Variants in BTG4 observed in about 807,000 individuals in gnomAD.
The protein encoded by BTG4 is protein BTG4.
BTG4 carries 10 observed loss-of-function variants against 19.3 expected under a neutral mutation model. That is an observed-to-expected ratio of 0.52 (90% CI 0.32 to 0.88). The LOEUF (loss-of-function observed/expected upper bound fraction) is 0.88. BTG4 is among the 40% of genes least tolerant of loss of function. BTG4 has a pLI of 0.04. For synonymous variants in BTG4, 91 were observed against 95.7 expected (o/e 0.95, Z 0.29); for missense variants, 238 against 281.9 (o/e 0.84, Z 1.11).
chr11:111,384,655 T>A, the BTG4 span: 1 of 152,154 alleles, frequency 6.6e-6, no homozygotes, highest in South Asian at 2.1e-4. Flanking sequence ...AAGACTCCCA[T>A]TAAAATTGCT....
chr11:111,514,227 C>G (rs981071123), upstream of BTG4: 5 of 158,052 alleles, frequency 3.2e-5, no homozygotes. Flanking sequence ...CACTTTAAAT[C>G]CAGCTTGTTT....
intron 1 of BTG4, among the ~76,000 whole-genome samples, chr11:111,506,230 A>G (rs1351717607): frequency 1.3e-5 from 2 of 152,118 alleles, no homozygotes; most frequent in African/African-American, 4.8e-5. Flanking sequence ...ATCCACCTAC[A>G]TGTCTGCCAA....
chr11:111,393,246 C>T, the BTG4 span, among the ~76,000 whole-genome samples: 14 of 152,158 alleles, frequency 9.2e-5, no homozygotes, highest in Admixed American at 5.9e-4. Context: ...TTGTAAATTA[C>T]GATGAGTCAC....
chr11:111,428,448 T>C, the BTG4 span, among the ~76,000 whole-genome samples: 1 of 152,178 alleles, frequency 6.6e-6, no homozygotes, highest in Non-Finnish European at 1.5e-5. Flanking sequence ...TACAGAGTTG[T>C]GCAGAGCCTC....
intron 5 of BTG4, among the ~76,000 whole-genome samples, chr11:111,477,277 A>G (rs1864449555): frequency 6.6e-6 from 1 of 152,148 alleles, no homozygotes. Flanking sequence ...TTATTGCTGA[A>G]TCAAATCAAT....
chr11:111,474,165 T>C (rs1353475316), intron 5 of BTG4, among the ~76,000 whole-genome samples: 1 of 152,174 alleles, frequency 6.6e-6, no homozygotes, highest in African/African-American at 2.4e-5. Flanking sequence ...TTTAAAGTTA[T>C]TGCCAGTGTC....
chr11:111,406,308 C>G, the BTG4 span, among the ~76,000 whole-genome samples: 1 of 152,168 alleles, frequency 6.6e-6, no homozygotes, highest in Admixed American at 6.5e-5. Flanking sequence ...TGATGATGAC[C>G]TTCAGGTGAC....
At chr11:111,502,720 T>C (rs1211786066) in intron 1 of BTG4, among the ~76,000 whole-genome samples, 2 of 152,350 alleles carry the variant, frequency 1.3e-5, no homozygotes, top group East Asian at 3.9e-4. Context: ...CTTTCATTAC[T>C]TCATCTTCCT....
chr11:111,467,167 C>T (rs774221632), downstream of BTG4, among the ~76,000 whole-genome samples: 8 of 152,130 alleles, frequency 5.3e-5, no homozygotes, highest in Non-Finnish European at 8.8e-5. Context: ...CTCATGTAAT[C>T]CTCAAAAAAC....
chr11:111,443,699 C>T, the BTG4 span, among the ~76,000 whole-genome samples: 5 of 152,204 alleles, frequency 3.3e-5, no homozygotes, highest in Non-Finnish European at 7.4e-5. Context: ...AGTGACATCC[C>T]GGGGGCACTG....
the BTG4 span, among the ~76,000 whole-genome samples, chr11:111,389,800 C>G: frequency 6.6e-6 from 1 of 152,122 alleles, no homozygotes; most frequent in African/African-American, 2.4e-5. Flanking sequence ...AAAAAACTCT[C>G]TTAATTAATG....
chr11:111,513,900 T>C (rs930363853), upstream of BTG4: 1 of 163,544 alleles, frequency 6.1e-6, no homozygotes, highest in Non-Finnish European at 1.3e-5. Context: ...AAATTGTGGT[T>C]ATTGCTATGT....
the BTG4 span, among the ~76,000 whole-genome samples, chr11:111,392,169 C>CTTTTTT: frequency 7.8e-4 from 67 of 85,448 alleles, 15 homozygotes; most frequent in African/African-American, 2.6e-3. Flanking sequence ...CTGTGATTTT[C>CTTTTTT]TTTTTTTTTT....
At chr11:111,422,063 C>G in the BTG4 span, among the ~76,000 whole-genome samples, 1 of 152,248 alleles carries the variant, frequency 6.6e-6, no homozygotes, top group Non-Finnish European at 1.5e-5. Flanking sequence ...AGTCCCTTCT[C>G]TATGCACCAA....
At chr11:111,442,355 G>T in the BTG4 span, among the ~76,000 whole-genome samples, 26 of 151,728 alleles carry the variant, frequency 1.7e-4, no homozygotes, top group African/African-American at 6.1e-4. Context: ...CAAAAAATTA[G>T]CCAGGCATGG....
chr11:111,493,103 G>A (rs11213928), downstream of BTG4, among the ~76,000 whole-genome samples: 412 of 152,250 alleles, frequency 2.7e-3, 2 homozygotes, highest in African/African-American at 9.1e-3. Context: ...CCAAGATCTC[G>A]CCACTGCACT....
At chr11:111,412,025 G>A in the BTG4 span, among the ~76,000 whole-genome samples, 1 of 152,340 alleles carries the variant, frequency 6.6e-6, no homozygotes, top group African/African-American at 2.4e-5. Context: ...AGTCAGAGAA[G>A]GCAACGGTGT....
downstream of BTG4, among the ~76,000 whole-genome samples, chr11:111,492,497 A>G (rs1865481601): frequency 6.6e-6 from 1 of 152,230 alleles, no homozygotes; most frequent in Non-Finnish European, 1.5e-5. Context: ...TGAGAGAATG[A>G]TCAACCAACA....
the BTG4 span, among the ~76,000 whole-genome samples, chr11:111,390,255 G>T: frequency 6.6e-6 from 1 of 152,070 alleles, no homozygotes; most frequent in Non-Finnish European, 1.5e-5. Context: ...CATTCATTCA[G>T]CAAATATTTG....
Sources: allele counts gnomAD v4.1 joint callset (sites outside exome capture counted in the v4.1 genomes callset), GRCh38; gene constraint gnomAD v4.1.1; transcripts MANE v1.5; gene names NCBI Gene and HGNC (gene_info 2026-07-23, HGNC 2026-07-21).